The following DLG2 variants were observed in gnomAD, a reference collection of about 807,000 sequenced individuals.
DLG2 encodes disks large homolog 2.
A neutral mutation model predicts 132.5 loss-of-function variants in DLG2; 45 were observed. The ratio of observed to expected loss-of-function variants is 0.34; its 90% confidence interval spans 0.27 to 0.44. DLG2 has a LOEUF of 0.44. Ranked by LOEUF, DLG2 falls within the 20% of genes least tolerant of loss-of-function variation. DLG2 has a pLI of 1.00. For missense variants in DLG2, 1,045 were observed against 1,196.9 expected, an observed-to-expected ratio of 0.87 and a Z score of 1.87; for synonymous variants, 424 against 419.6, an observed-to-expected ratio of 1.01 and a Z score of -0.13.
chr11:85,460,239 A>G (rs2092562751), intron 3 of DLG2, among the ~76,000 whole-genome samples: 1 of 152,130 alleles, frequency 6.6e-6, no homozygotes, highest in African/African-American at 2.4e-5. Context: ...CTACTGCTGG[A>G]GCTCCAGTCA....
chr11:84,597,877 C>G (rs764490260), intron 6 of DLG2, among the ~76,000 whole-genome samples: 2 of 152,188 alleles, frequency 1.3e-5, no homozygotes, highest in Non-Finnish European at 2.9e-5. Context: ...TTAATGTAAT[C>G]AGGCCTGTAC....
intron 3 of DLG2, among the ~76,000 whole-genome samples, chr11:85,472,652 A>T (rs1343546649): frequency 6.6e-6 from 1 of 152,180 alleles, no homozygotes; most frequent in East Asian, 1.9e-4. Flanking sequence ...CTCTTTGGTT[A>T]TCCTTGTAAC....
intron 21 of DLG2, among the ~76,000 whole-genome samples, chr11:83,505,142 T>G (rs2094628457): frequency 1.3e-5 from 2 of 151,990 alleles, no homozygotes; most frequent in African/African-American, 4.8e-5. Context: ...ATATCCAGAG[T>G]AAGTGTCTAT....
At chr11:84,711,535 G>T (rs1226495385) in intron 6 of DLG2, among the ~76,000 whole-genome samples, 1 of 149,610 alleles carries the variant, frequency 6.7e-6, no homozygotes, top group Non-Finnish European at 1.5e-5. Context: ...CTAGTCTAAA[G>T]GCCTGAGAAC....
In DLG2 at chr11:83,503,412, T is replaced by TAG. The variant is rs1446591501; in HGVS notation, c.2194-19185_2194-19184insCT. 3.1e-3 allele frequency among the ~76,000 whole-genome samples: 341 copies of TAG among 110,492 alleles called. 9 individuals are homozygous for TAG. The highest frequency in any genetic ancestry group is 7.0e-3 in the African/African-American group (181 of 25,864). The allele number at this position is 110,492 out of a possible 152,430, so 72.5% of individuals were successfully genotyped here. A position where few individuals can be genotyped will look rare whatever the true frequency, so the allele number is the denominator to read the frequency against. Reference sequence around the variant, plus strand: ...ATATATATATATATATATATATATATATATATATATAGATAGATCTAATAG... The same window carrying TAG: ...ATATATATATATATATATATATATATAGATATATATATAGATAGATCTAATAG... On this transcript the variant is annotated intron_variant, in intron 21 of 27. Transcript: ENST00000376104.
intron 3 of DLG2, among the ~76,000 whole-genome samples, chr11:85,517,470 T>C (rs1398024754): frequency 1.3e-5 from 2 of 151,936 alleles, no homozygotes; most frequent in East Asian, 1.9e-4. Flanking sequence ...AGCATCCAAA[T>C]TGAAAAAGAG....
At chr11:83,883,106 T>C (rs2066764027) in intron 15 of DLG2, among the ~76,000 whole-genome samples, 1 of 152,182 alleles carries the variant, frequency 6.6e-6, no homozygotes. Flanking sequence ...TTAAACAAAT[T>C]ATCATTAGTA....
chr11:84,648,051 T>C (rs2099677044), intron 6 of DLG2, among the ~76,000 whole-genome samples: 1 of 152,162 alleles, frequency 6.6e-6, no homozygotes, highest in Non-Finnish European at 1.5e-5. Flanking sequence ...TTAGGTAACT[T>C]ACCCAAGGTA....
At chr11:84,720,259 G>A in intron 6 of DLG2, 6 of 985,102 alleles carry the variant, frequency 6.1e-6, no homozygotes, top group Non-Finnish European at 7.2e-6. Flanking sequence ...CCCCGAGGGA[G>A]GCAACATGCA....
chr11:85,246,176 T>C (rs192084604), intron 4 of DLG2, among the ~76,000 whole-genome samples: 2 of 152,070 alleles, frequency 1.3e-5, no homozygotes, highest in South Asian at 2.1e-4. Context: ...ATGGTTGTAT[T>C]TCAAATGCCT....
intron 8 of DLG2, among the ~76,000 whole-genome samples, chr11:84,245,295 T>C (rs1015874295): frequency 2.0e-4 from 31 of 152,174 alleles, no homozygotes; most frequent in Non-Finnish European, 2.9e-5. Flanking sequence ...ATAGTTTTGT[T>C]TGCATCCAAT....
chr11:85,102,566 A>G (rs936203301), intron 6 of DLG2, among the ~76,000 whole-genome samples: 1 of 152,040 alleles, frequency 6.6e-6, no homozygotes. Flanking sequence ...AACAAACATC[A>G]AAAGAAACAA....
chr11:83,672,416 A>G (rs2076988399), intron 18 of DLG2, among the ~76,000 whole-genome samples: 1 of 152,080 alleles, frequency 6.6e-6, no homozygotes, highest in East Asian at 1.9e-4. Context: ...ACCTCAGGTG[A>G]TCCGCCCACC....
chr11:84,601,320 AC>A (rs766269478), intron 6 of DLG2, among the ~76,000 whole-genome samples: 7 of 152,168 alleles, frequency 4.6e-5, no homozygotes, highest in Admixed American at 1.3e-4. Flanking sequence ...ATAGGCATCA[AC>A]ATGTAATTAA....
chr11:85,403,156 G>A (rs1277711396), intron 3 of DLG2, among the ~76,000 whole-genome samples: 3 of 152,166 alleles, frequency 2.0e-5, no homozygotes, highest in Non-Finnish European at 2.9e-5. Flanking sequence ...GGAATACTAT[G>A]CAGCCATAAA....
At chr11:84,756,986 C>T (rs991972410) in intron 6 of DLG2, among the ~76,000 whole-genome samples, 1 of 152,144 alleles carries the variant, frequency 6.6e-6, no homozygotes, top group African/African-American at 2.4e-5. Context: ...ATCATAATTC[C>T]TGGTGTACAT....
At position 83,610,578 on chromosome 11, in the gene DLG2, T is replaced by A. The variant is rs576701289; in HGVS notation, c.1940+22633A>T. Among the ~76,000 whole-genome samples, 22 of 152,264 alleles carry A rather than the reference T, an allele frequency of 1.4e-4. No individual in the cohort carries two copies. In the South Asian group the frequency reaches 3.9e-3, roughly 27 times the overall value. Reference sequence around the variant, plus strand: ...GGTAACAGATCTGTGGTAACCATAATGGAGGTAATATTTATTAAGCACATT... The same window carrying A: ...GGTAACAGATCTGTGGTAACCATAAAGGAGGTAATATTTATTAAGCACATT... On this transcript the variant is annotated intron_variant, in intron 19 of 27. Coordinates refer to ENST00000376104, the MANE Select transcript of DLG2 (RefSeq NM_001142699.3).
chr11:85,007,096 G>A (rs950727851), intron 6 of DLG2, among the ~76,000 whole-genome samples: 8 of 151,964 alleles, frequency 5.3e-5, no homozygotes, highest in South Asian at 2.1e-4. Flanking sequence ...GAAACTCCGT[G>A]AATTAGAAGT....
intron 10 of DLG2, among the ~76,000 whole-genome samples, chr11:84,070,346 T>C (rs1175722112): frequency 6.6e-6 from 1 of 152,212 alleles, no homozygotes; most frequent in Non-Finnish European, 1.5e-5. Flanking sequence ...CAAAGGCAAG[T>C]TCACACTCCA....
Sources: gnomAD v4.1 joint callset for allele counts (sites outside exome capture counted in the v4.1 genomes callset) on GRCh38, gnomAD v4.1.1 for gene constraint, MANE v1.5 for transcripts, NCBI Gene and HGNC (gene_info 2026-07-23, HGNC 2026-07-21) for gene names.